Variants in TMOD2 observed in about 807,000 individuals in gnomAD.
The protein encoded by TMOD2 is tropomodulin-2.
A neutral mutation model predicts 39.9 loss-of-function variants in TMOD2; 22 were observed. The observed-to-expected ratio is 0.55, with a 90% CI of 0.39 to 0.79. The LOEUF (loss-of-function observed/expected upper bound fraction) is 0.79, where lower values mean the gene tolerates loss of function less well. Ranked by LOEUF, TMOD2 falls within the 30% of genes least tolerant of loss-of-function variation. The pLI is 0.00. For missense variants in TMOD2, 386 were observed against 413.3 expected, an observed-to-expected ratio of 0.93 and a Z score of 0.57; for synonymous variants, 123 against 146.1, an observed-to-expected ratio of 0.84 and a Z score of 1.14.
Position 51,760,626 on chromosome 15 carries a change from G to A in TMOD2, c.-69-5747G>A, listed in dbSNP as rs1455364068. Among the ~76,000 whole-genome samples, 7 of 152,108 alleles carry A rather than the reference G, an allele frequency of 4.6e-5. No homozygotes were observed. In the East Asian group the frequency reaches 5.8e-4, roughly 13 times the overall value. On this transcript the variant is annotated intron_variant, in intron 1 of 9. Coordinates refer to ENST00000249700, the MANE Select transcript of TMOD2 (RefSeq NM_014548.4). ...TCAAGACCAGCCTGGGCAACATGGTGAAACCCCATCTCTACTAAAAATACA... is the reference window on the plus strand; with the variant it reads ...TCAAGACCAGCCTGGGCAACATGGTAAAACCCCATCTCTACTAAAAATACA...
chr15:51,757,528 A>C (rs767035324), intron 1 of TMOD2, among the ~76,000 whole-genome samples: 9 of 151,440 alleles, frequency 5.9e-5, no homozygotes, highest in Non-Finnish European at 1.0e-4. Context: ...CTTTAATCCT[A>C]TTTTCTGTTT....
intron 1 of TMOD2, among the ~76,000 whole-genome samples, chr15:51,753,527 G>A (rs1401540053): frequency 6.6e-6 from 1 of 151,918 alleles, no homozygotes; most frequent in Non-Finnish European, 1.5e-5. Context: ...TGGGATGTGT[G>A]AACTTTGAAT....
At chr15:51,772,101 A>G (rs929451548) in intron 3 of TMOD2, among the ~76,000 whole-genome samples, 1 of 152,188 alleles carries the variant, frequency 6.6e-6, no homozygotes, top group Non-Finnish European at 1.5e-5. Context: ...AGTCTCCTGG[A>G]GAGTTCTCAT....
chr15:51,780,917 C>T (rs752602184), intron 5 of TMOD2, 127 bp from the exon 6 acceptor site: 20 of 719,156 alleles, frequency 2.8e-5, no homozygotes, highest in Non-Finnish European at 4.3e-5. Flanking sequence ...TGAGAATACA[C>T]CTACTGTCAT....
intron 5 of TMOD2, among the ~76,000 whole-genome samples, chr15:51,780,324 A>C (rs575906033): frequency 4.6e-4 from 70 of 152,312 alleles, no homozygotes; most frequent in African/African-American, 1.7e-3. Flanking sequence ...GCCAACTCCA[A>C]ATGTTACCTC....
At chr15:51,780,910 G>C (rs2055925209) in intron 5 of TMOD2, 134 bp from the exon 6 acceptor site, 1 of 691,712 alleles carries the variant, frequency 1.4e-6, no homozygotes, top group South Asian at 2.0e-5. Context: ...GCTTAGCTGA[G>C]AATACACCTA....
chr15:51,779,313 T>C (rs991074136), intron 5 of TMOD2, among the ~76,000 whole-genome samples: 9 of 152,178 alleles, frequency 5.9e-5, no homozygotes, highest in East Asian at 3.8e-4. Context: ...CATACAAATA[T>C]TAACTTGTCT....
chr15:51,762,306 A>T lies in TMOD2; in HGVS notation c.-69-4067A>T, dbSNP rs115992273. The stretch of plus-strand genomic sequence containing the variant: ...ATCCTGTATCTTCAAAAAATAAAAA[A>T]AAAATAGCCCGGCATGGTGGTGCAC... On this transcript the variant is annotated intron_variant, in intron 1 of 9. Transcript: ENST00000249700. Among the ~76,000 whole-genome samples the T allele has an allele frequency of 3.2e-3, 486 of 151,698 alleles. 4 individuals are homozygous for T. Among genetic ancestry groups the T allele is most frequent in the African/African-American group, 0.011 (472 of 41,442 alleles).
chr15:51,769,272 G>A (rs1443027331), intron 3 of TMOD2, among the ~76,000 whole-genome samples: 1 of 152,166 alleles, frequency 6.6e-6, no homozygotes, highest in Admixed American at 6.5e-5. Context: ...CTCTTAGCCT[G>A]GTGCTTTACC....
At chr15:51,763,325 A>AT in intron 1 of TMOD2, among the ~76,000 whole-genome samples, 1 of 152,346 alleles carries the variant, frequency 6.6e-6, no homozygotes, top group Non-Finnish European at 1.5e-5. Flanking sequence ...ATATACATGG[A>AT]TTTTTAAAAT....
chr15:51,791,110 A>G (rs947213900), intron 7 of TMOD2, among the ~76,000 whole-genome samples: 1 of 152,158 alleles, frequency 6.6e-6, no homozygotes, highest in South Asian at 2.1e-4. Flanking sequence ...AAAACCCCAT[A>G]GTCTCAGCCC....
At chr15:51,787,549 C>A (rs2055979408) in intron 7 of TMOD2, among the ~76,000 whole-genome samples, 1 of 152,242 alleles carries the variant, frequency 6.6e-6, no homozygotes, top group Non-Finnish European at 1.5e-5. Flanking sequence ...ACTGCCTCTG[C>A]AAGTGGGTCC....
rs773861070 is a variant in TMOD2 at position 51,768,352 on chromosome 15, C to G, written c.217C>G (p.Leu73Val). Residue 73 changes from leucine to valine, a missense_variant, in exon 3 of 10, where the codon CTG becomes GTG. Transcript: ENST00000249700. ...PFDREHLLMY[L>V]EKEALEQKDR... ...TGACCGCGAGCACCTCCTCATGTAC[C>G]TGGAGAAGGAGGCTTTGGAACAGAA... 2 of 1,614,056 alleles carry G rather than the reference C, an allele frequency of 1.2e-6. No individual in the cohort carries two copies. The highest frequency in any genetic ancestry group is 1.7e-6 in the Non-Finnish European group (2 of 1,180,028).
chr15:51,753,773 G>A (rs1012943701), intron 1 of TMOD2, among the ~76,000 whole-genome samples: 1 of 150,686 alleles, frequency 6.6e-6, no homozygotes, highest in Non-Finnish European at 1.5e-5. Flanking sequence ...AAAAAAAAAA[G>A]GATAGGGGTA....
intron 4 of TMOD2, among the ~76,000 whole-genome samples, chr15:51,775,000 C>T (rs2055877335): frequency 6.6e-6 from 1 of 152,136 alleles, no homozygotes; most frequent in South Asian, 2.1e-4. Context: ...CAGCTTCCCT[C>T]CCTCGTCCTG....
At chr15:51,761,550 G>T (rs2055780885) in intron 1 of TMOD2, among the ~76,000 whole-genome samples, 1 of 148,266 alleles carries the variant, frequency 6.7e-6, no homozygotes. Flanking sequence ...AATATAGTAA[G>T]ACCTCATCTC....
intron 8 of TMOD2, among the ~76,000 whole-genome samples, chr15:51,805,563 CAT>C (rs1198164651): frequency 2.0e-5 from 3 of 152,196 alleles, no homozygotes; most frequent in Non-Finnish European, 4.4e-5. Flanking sequence ...ACAAATATAA[CAT>C]GTGCACAACA....
At chr15:51,801,947 T>TATAACATAAC (rs60325139) in intron 8 of TMOD2, among the ~76,000 whole-genome samples, 161 of 148,356 alleles carry the variant, frequency 1.1e-3, no homozygotes, top group African/African-American at 3.8e-3. Context: ...TATAATATAA[T>TATAACATAAC]ATAACATAAT....
chr15:51,799,244 G>T (rs187773151), intron 8 of TMOD2, among the ~76,000 whole-genome samples: 1 of 152,190 alleles, frequency 6.6e-6, no homozygotes, highest in Non-Finnish European at 1.5e-5. Context: ...ATGAGCATTC[G>T]TTCCCCTGTG....
Sources: allele counts gnomAD v4.1 joint callset (sites outside exome capture counted in the v4.1 genomes callset), GRCh38; gene constraint gnomAD v4.1.1; transcripts MANE v1.5; gene names NCBI Gene and HGNC (gene_info 2026-07-23, HGNC 2026-07-21).